Variants in CARS2 observed in about 807,000 individuals in gnomAD.
The protein encoded by CARS2 is probable cysteine--tRNA ligase, mitochondrial.
Under a neutral mutation model 68.8 loss-of-function variants are expected in CARS2, and 52 were observed. The ratio of observed to expected loss-of-function variants is 0.76; its 90% CI spans 0.61 to 0.95. The LOEUF is 0.95. Among genes scored for constraint, CARS2 ranks in the 40% least tolerant of loss-of-function variants. The pLI is 0.00. For synonymous variants in CARS2, 314 were observed against 303.6 expected (o/e 1.03, Z -0.36); for missense variants, 780 against 754.2 (o/e 1.03, Z -0.40).
intron 6 of CARS2, among the ~76,000 whole-genome samples, chr13:110,677,761 AAC>A (rs2063007601): frequency 6.9e-6 from 1 of 144,626 alleles, no homozygotes; most frequent in Non-Finnish European, 1.5e-5. Context: ...CCACCATGGA[AAC>A]ACAATCACCC....
intron 7 of CARS2, among the ~76,000 whole-genome samples, chr13:110,671,657 T>A (rs1005977803): frequency 6.6e-6 from 1 of 152,162 alleles, no homozygotes; most frequent in African/African-American, 2.4e-5. Context: ...CTGCATCAAC[T>A]AACGAGCAAA....
intron 5 of CARS2, among the ~76,000 whole-genome samples, chr13:110,684,268 A>G (rs1001631980): frequency 1.3e-5 from 2 of 152,146 alleles, no homozygotes; most frequent in African/African-American, 4.8e-5. Flanking sequence ...TAGCCTTTAC[A>G]AAGTTTGAGT....
At chr13:110,702,953 G>C (rs954824866) in intron 2 of CARS2, among the ~76,000 whole-genome samples, 7 of 152,082 alleles carry the variant, frequency 4.6e-5, no homozygotes, top group Admixed American at 4.6e-4. Context: ...CATTTGCTAA[G>C]AGTCTTCCCT....
At position 110,705,221 on chromosome 13, in the gene CARS2, C is replaced by T. The variant is rs1031183215; in HGVS notation, c.275+300G>A. Reference sequence around the variant, plus strand: ...GCCCAGGAATGACTGATCAGCAGGACCCCGGGACCCCGCAAAGGCCTCTTG... The same window carrying T: ...GCCCAGGAATGACTGATCAGCAGGATCCCGGGACCCCGCAAAGGCCTCTTG... On this transcript the variant is annotated intron_variant, in intron 2 of 14. Transcript: ENST00000257347. The surrounding 1 kb of genome is among the most constrained non-coding windows in gnomAD (Gnocchi z 4.0). Among the ~76,000 whole-genome samples the T allele has an allele frequency of 4.6e-5, 7 of 152,118 alleles. No homozygotes were observed. The highest frequency in any genetic ancestry group is 2.1e-4 in the South Asian group (1 of 4,818).
chr13:110,712,530 A>G (rs375099186), intron 1 of CARS2: 67 of 246,730 alleles, frequency 2.7e-4, no homozygotes, highest in Non-Finnish European at 4.0e-4. Flanking sequence ...TTTGGCCGGA[A>G]GGGGGGGGGC....
At chr13:110,651,302 A>C in intron 9 of CARS2, 27 of 533,894 alleles carry the variant, frequency 5.1e-5, no homozygotes, top group East Asian at 6.8e-5. Context: ...GTTCGATCTC[A>C]GTATTTGTGG....
intron 14 of CARS2, among the ~76,000 whole-genome samples, chr13:110,642,104 G>A (rs1273484593): frequency 2.0e-5 from 3 of 152,224 alleles, no homozygotes; most frequent in African/African-American, 7.2e-5. Context: ...AGGAGGCTGA[G>A]GCAGGAGAAT....
chr13:110,677,935 G>A (rs2063014635), intron 6 of CARS2: 1 of 152,644 alleles, frequency 6.6e-6, no homozygotes, highest in Non-Finnish European at 1.5e-5. Context: ...GGGAAATCCA[G>A]CCGGCCACCC....
At chr13:110,669,747 G>A (rs559696269) in intron 7 of CARS2, among the ~76,000 whole-genome samples, 18 of 152,226 alleles carry the variant, frequency 1.2e-4, no homozygotes, top group African/African-American at 4.3e-4. Flanking sequence ...AGTGTGAGCC[G>A]AAGCAGGGTG....
chr13:110,656,581 G>T (rs991744847), intron 9 of CARS2, among the ~76,000 whole-genome samples: 2 of 151,968 alleles, frequency 1.3e-5, no homozygotes, highest in Non-Finnish European at 2.9e-5. Flanking sequence ...TTTCTTTTTG[G>T]GGTGATAAAA....
chr13:110,651,172 T>G (rs2062202094), intron 9 of CARS2, 72 bp from the exon 10 acceptor site: 2 of 1,032,090 alleles, frequency 1.9e-6, no homozygotes, highest in Admixed American at 4.5e-5. Flanking sequence ...AATATGTTAC[T>G]TTCTACAATT....
At chr13:110,672,525 A>G (rs2062830380) in intron 7 of CARS2, among the ~76,000 whole-genome samples, 2 of 152,246 alleles carry the variant, frequency 1.3e-5, no homozygotes, top group Admixed American at 1.3e-4. Flanking sequence ...AATAAGAACA[A>G]AGACACAACA....
chr13:110,679,833 G>A (rs1232468028), intron 6 of CARS2, among the ~76,000 whole-genome samples: 1 of 152,172 alleles, frequency 6.6e-6, no homozygotes, highest in African/African-American at 2.4e-5. Flanking sequence ...AGGGACTCGG[G>A]AGTAGCTGCT....
chr13:110,712,530 A>AAGG (rs1555306511), intron 1 of CARS2: 19 of 246,754 alleles, frequency 7.7e-5, no homozygotes, highest in South Asian at 1.4e-4. Flanking sequence ...TTTGGCCGGA[A>AAGG]GGGGGGGGGC....
At chr13:110,675,414 T>C (rs1251537050) in intron 7 of CARS2, among the ~76,000 whole-genome samples, 1 of 152,170 alleles carries the variant, frequency 6.6e-6, no homozygotes, top group East Asian at 1.9e-4. Context: ...TGTAGGCACA[T>C]GGATGAAGCT....
At chr13:110,696,551 T>G (rs950995137) in intron 3 of CARS2, among the ~76,000 whole-genome samples, 1 of 152,230 alleles carries the variant, frequency 6.6e-6, no homozygotes, top group African/African-American at 2.4e-5. Flanking sequence ...AAACAGATGT[T>G]TTCATAACTA....
intron 5 of CARS2, among the ~76,000 whole-genome samples, chr13:110,683,539 C>A (rs1007711504): frequency 1.1e-4 from 16 of 152,222 alleles, no homozygotes; most frequent in African/African-American, 3.9e-4. Context: ...CTGTAAACTA[C>A]TGAGACAATT....
chr13:110,696,255 G>A (rs1431950368), intron 3 of CARS2, among the ~76,000 whole-genome samples: 4 of 150,678 alleles, frequency 2.7e-5, no homozygotes, highest in Non-Finnish European at 5.9e-5. Flanking sequence ...CTTTATAGTA[G>A]AATGATTTAT....
chr13:110,708,120 C>A (rs950659486), upstream of CARS2, among the ~76,000 whole-genome samples: 3 of 151,376 alleles, frequency 2.0e-5, no homozygotes, highest in Non-Finnish European at 4.4e-5. Flanking sequence ...CTCACTGTGC[C>A]CTGCACTAAA....
Sources: allele counts gnomAD v4.1 joint callset (sites outside exome capture counted in the v4.1 genomes callset), GRCh38; gene constraint gnomAD v4.1.1; non-coding constraint Gnocchi (gnomAD v3.1); transcripts MANE v1.5; gene names NCBI Gene and HGNC (gene_info 2026-07-23, HGNC 2026-07-21).